OXR1: variants seen among roughly 807,000 people sequenced by gnomAD.
The protein encoded by OXR1 is oxidation resistance protein 1.
OXR1 carries 41 observed loss-of-function variants against 104.6 expected under a neutral mutation model. The ratio of observed to expected loss-of-function variants is 0.39; its 90% CI spans 0.31 to 0.51. The LOEUF (loss-of-function observed/expected upper bound fraction) is 0.51. Among genes scored for constraint, OXR1 ranks in the 20% least tolerant of loss-of-function variants. The pLI is 0.77. For synonymous variants in OXR1, 348 were observed against 348.4 expected (o/e 1.00, Z 0.01); for missense variants, 955 against 1,031.9 (o/e 0.93, Z 1.02).
chr8:106,648,945 C>T (rs1824306614), intron 3 of OXR1, among the ~76,000 whole-genome samples: 2 of 152,170 alleles, frequency 1.3e-5, no homozygotes, highest in Non-Finnish European at 2.9e-5. Context: ...TGGCTCATGC[C>T]TGTAATCACA....
chr8:106,415,345 A>G (rs556603193), intron 2 of OXR1, among the ~76,000 whole-genome samples: 63 of 152,124 alleles, frequency 4.1e-4, no homozygotes, highest in Non-Finnish European at 7.8e-4. Context: ...AGTCATCATT[A>G]TGTTTTCTGC....
intron 2 of OXR1, among the ~76,000 whole-genome samples, chr8:106,369,961 A>G (rs541073495): frequency 6.6e-6 from 1 of 152,288 alleles, no homozygotes; most frequent in Non-Finnish European, 1.5e-5. Flanking sequence ...TGATGGGAAT[A>G]GTATTGAATC....
intron 2 of OXR1, among the ~76,000 whole-genome samples, chr8:106,473,330 C>T (rs1306479605): frequency 2.6e-5 from 4 of 151,832 alleles, no homozygotes; most frequent in Non-Finnish European, 4.4e-5. Context: ...TGGTAGTCAT[C>T]ACACAACATC....
chr8:106,529,804 A>T (rs1384424697), intron 3 of OXR1, among the ~76,000 whole-genome samples: 3 of 152,208 alleles, frequency 2.0e-5, no homozygotes, highest in African/African-American at 7.2e-5. Flanking sequence ...CTTATAACTT[A>T]TTCAAAAACA....
intron 2 of OXR1, among the ~76,000 whole-genome samples, chr8:106,459,527 A>G (rs191161929): frequency 1.1e-4 from 17 of 152,274 alleles, no homozygotes; most frequent in Non-Finnish European, 2.1e-4. Context: ...TAAAGCCAGC[A>G]TACTCTTATC....
At chr8:106,525,428 A>G (rs1012862604) in intron 3 of OXR1, among the ~76,000 whole-genome samples, 3 of 152,220 alleles carry the variant, frequency 2.0e-5, no homozygotes, top group Non-Finnish European at 4.4e-5. Flanking sequence ...ACAACGTGCT[A>G]TCTGTTTACC....
At chr8:106,510,144 C>T (rs1356023429) in intron 2 of OXR1, among the ~76,000 whole-genome samples, 2 of 152,276 alleles carry the variant, frequency 1.3e-5, no homozygotes, top group East Asian at 1.9e-4. Flanking sequence ...TCATTATATC[C>T]ACTACCAAAT....
At chr8:106,332,895 A>G (rs1480399294) in intron 1 of OXR1, among the ~76,000 whole-genome samples, 2 of 152,108 alleles carry the variant, frequency 1.3e-5, no homozygotes, top group African/African-American at 4.8e-5. Flanking sequence ...AAATCATACA[A>G]TCTGTGCCCT....
At chr8:106,309,095 C>G (rs2130124098) in intron 1 of OXR1, among the ~76,000 whole-genome samples, 1 of 152,032 alleles carries the variant, frequency 6.6e-6, no homozygotes, top group African/African-American at 2.4e-5. Flanking sequence ...CCTCCTGCGT[C>G]AGCCTGACAA....
intron 3 of OXR1, among the ~76,000 whole-genome samples, chr8:106,541,154 G>T (rs1039286380): frequency 6.6e-6 from 1 of 152,058 alleles, no homozygotes; most frequent in African/African-American, 2.4e-5. Context: ...TTTAAATTAG[G>T]ATATCCTTTA....
At chr8:106,625,768 A>G (rs896359079) in intron 3 of OXR1, among the ~76,000 whole-genome samples, 4 of 152,148 alleles carry the variant, frequency 2.6e-5, no homozygotes, top group African/African-American at 4.8e-5. Flanking sequence ...ATGTTTCCCA[A>G]TCTTGTTGAA....
chr8:106,352,521 A>G (rs552783997), intron 1 of OXR1, among the ~76,000 whole-genome samples: 2 of 152,338 alleles, frequency 1.3e-5, no homozygotes, highest in South Asian at 2.1e-4. Flanking sequence ...GTGTATAAGG[A>G]TATACACTGC....
intron 1 of OXR1, chr8:106,272,382 G>T (rs1375053272): frequency 1.3e-5 from 2 of 152,278 alleles, no homozygotes; most frequent in Non-Finnish European, 2.9e-5. Context: ...AGGATGCAAA[G>T]AAGGGAGAGC....
intron 2 of OXR1, among the ~76,000 whole-genome samples, chr8:106,488,441 G>C (rs1347464922): frequency 1.3e-4 from 20 of 150,794 alleles, no homozygotes; most frequent in Admixed American, 1.3e-3. Context: ...GATCCCATTT[G>C]TCAATTTTGT....
At chr8:106,710,254 A>G (rs1831560286) in intron 9 of OXR1, among the ~76,000 whole-genome samples, 1 of 152,112 alleles carries the variant, frequency 6.6e-6, no homozygotes, top group Non-Finnish European at 1.5e-5. Context: ...TTTAGATGTC[A>G]TTCAAAAAGA....
chr8:106,603,448 A>G (rs553217234), intron 3 of OXR1, among the ~76,000 whole-genome samples: 1 of 152,322 alleles, frequency 6.6e-6, no homozygotes, highest in Non-Finnish European at 1.5e-5. Flanking sequence ...TAAATGGTAT[A>G]TGGTAGATAA....
chr8:106,489,264 A>G (rs909978184), intron 2 of OXR1, among the ~76,000 whole-genome samples: 2 of 151,754 alleles, frequency 1.3e-5, no homozygotes, highest in African/African-American at 4.8e-5. Context: ...TGATTTTTGT[A>G]CATTGATTTT....
intron 11 of OXR1, among the ~76,000 whole-genome samples, chr8:106,716,006 A>G (rs990640103): frequency 3.3e-5 from 5 of 152,234 alleles, no homozygotes; most frequent in Admixed American, 3.3e-4. Context: ...CTTGAAATTC[A>G]TGTAATGCCA....
chr8:106,579,494 G>C (rs1351630500), intron 3 of OXR1, among the ~76,000 whole-genome samples: 2 of 152,198 alleles, frequency 1.3e-5, no homozygotes, highest in East Asian at 3.8e-4. Context: ...ATGCATGTCT[G>C]ATTATCTACG....
Sources: gnomAD v4.1 joint callset for allele counts (sites outside exome capture counted in the v4.1 genomes callset) on GRCh38, gnomAD v4.1.1 for gene constraint, MANE v1.5 for transcripts, NCBI Gene and HGNC (gene_info 2026-07-23, HGNC 2026-07-21) for gene names.